Variants in ZNF521 observed in about 807,000 individuals in gnomAD.
ZNF521 encodes the protein zinc finger protein 521.
Under a neutral mutation model 105.5 loss-of-function variants are expected in ZNF521, and 14 were observed. The observed-to-expected ratio is 0.13, with a 90% CI of 0.09 to 0.21. The LOEUF (loss-of-function observed/expected upper bound fraction) is 0.21, where lower values mean the gene tolerates loss of function less well. Among genes scored for constraint, ZNF521 ranks in the 10% least tolerant of loss-of-function variants. The pLI is 1.00. For synonymous variants in ZNF521, 635 were observed against 606.0 expected, an observed-to-expected ratio of 1.05 and a Z score of -0.70; for missense variants, 1,233 against 1,629.7, an observed-to-expected ratio of 0.76 and a Z score of 4.19.
rs2089778922 is a variant in ZNF521 at position 25,227,570 on chromosome 18, A to T, written c.348T>A (p.Leu116=). 1 of 1,614,126 alleles carries T rather than the reference A, an allele frequency of 6.2e-7. No individual in the cohort carries two copies. The highest frequency in any genetic ancestry group is 2.2e-5 in the East Asian group (1 of 44,880). Residue 116 remains leucine (L), a synonymous_variant, in exon 4 of 8, where the codon CTT becomes CTA. Transcript: ENST00000361524. The surrounding 1 kb of genome is among the most constrained non-coding windows in gnomAD (Gnocchi z 5.7). ...TGTCACAGAATTGACACGGGTATGG[A>T]AGCCCAGGGCCACCTTCTTCCTCTC... is the stretch of plus-strand genomic sequence containing the variant. ...DFGEEEGGPG[L]PYPCQFCDKS... is the part of the protein sequence containing the mutation.
At chr18:25,335,382 A>T (rs1325749989) in intron 2 of ZNF521, among the ~76,000 whole-genome samples, 2 of 151,598 alleles carry the variant, frequency 1.3e-5, no homozygotes, top group African/African-American at 4.9e-5. Flanking sequence ...CCTGCTCTAA[A>T]CTCTCATGAT....
intron 5 of ZNF521, among the ~76,000 whole-genome samples, chr18:25,107,930 G>A (rs573164693): frequency 1.3e-5 from 2 of 152,354 alleles, no homozygotes; most frequent in South Asian, 4.1e-4. Context: ...AGATCCGCAA[G>A]GGTGAAAGCA....
intron 7 of ZNF521, 85 bp from the exon 8 acceptor site, chr18:25,062,826 T>A: frequency 7.9e-7 from 1 of 1,266,304 alleles, no homozygotes; most frequent in Non-Finnish European, 1.1e-6. Flanking sequence ...TTCATTTTCA[T>A]CAGACCAAGC....
chr18:25,317,855 C>A (rs1912725740), intron 3 of ZNF521, among the ~76,000 whole-genome samples: 1 of 152,088 alleles, frequency 6.6e-6, no homozygotes. Flanking sequence ...CGTACGACAA[C>A]CAGAATTCTC....
intron 5 of ZNF521, among the ~76,000 whole-genome samples, chr18:25,157,844 G>C (rs2035175973): frequency 6.6e-6 from 1 of 151,848 alleles, no homozygotes; most frequent in Admixed American, 6.6e-5. Context: ...TCTGTCTCCT[G>C]GGGTTCTAGT....
Position 25,293,351 on chromosome 18 carries a change from T to TACACACACACACAC in ZNF521, c.220+28643_220+28656dup, listed in dbSNP as rs55818021. ...ATTTTCTTGCTTGCACATGTACACATACACACACACACACACACACACACA... is the reference window on the plus strand; with the variant it reads ...ATTTTCTTGCTTGCACATGTACACATACACACACACACACACACACACACACACACACACACACA... On this transcript the variant is annotated intron_variant, in intron 3 of 7. Transcript: ENST00000361524. Among the ~76,000 whole-genome samples the TACACACACACACAC allele has an allele frequency of 7.0e-3, 998 of 143,204 alleles. 8 individuals carry two copies. Among genetic ancestry groups the TACACACACACACAC allele is most frequent in the African/African-American group, 0.023 (888 of 38,846 alleles). 93.9% of individuals were successfully genotyped at this position (143,204 alleles called of 152,430 possible). A position where few individuals can be genotyped will look rare whatever the true frequency, so the allele number is the denominator to read the frequency against.
rs138292423 is a variant in ZNF521, at chr18:25,213,249, G to C, written c.3573+11096C>G. Among the ~76,000 whole-genome samples the C allele has an allele frequency of 6.1e-4, 90 of 148,350 alleles. 1 individual carries two copies. In the East Asian group the frequency reaches 0.016, roughly 27 times the overall value. ...TATATAACTATATAATAAAATAATG[G>C]TTATATGTAACTATTATTTATAATG... is the stretch of plus-strand genomic sequence containing the variant. On this transcript the variant is annotated intron_variant, in intron 4 of 7. Transcript: ENST00000361524.
At chr18:25,223,410 G>A (rs906798816) in intron 4 of ZNF521, among the ~76,000 whole-genome samples, 3 of 152,208 alleles carry the variant, frequency 2.0e-5, no homozygotes, top group Non-Finnish European at 4.4e-5. Flanking sequence ...CCGCCAGGGT[G>A]TGAGTGCAGA....
chr18:25,352,091 C>T lies in ZNF521; in HGVS notation c.-88G>A. 2 of 486,280 alleles carry T rather than the reference C, an allele frequency of 4.1e-6. No individual in the cohort carries two copies. The highest frequency in any genetic ancestry group is 1.5e-5 in the South Asian group (1 of 67,346). 30.1% of individuals were successfully genotyped at this position (486,280 alleles called of 1,614,324 possible). On this transcript the variant is annotated 5_prime_UTR_variant, in exon 1 of 8. Transcript: ENST00000361524. ...AAGGCCCCCAAAGCCATCAGGATGGCTCCAGAGGGGGCCCCTAACCCGCAG... is the reference window on the plus strand; with the variant it reads ...AAGGCCCCCAAAGCCATCAGGATGGTTCCAGAGGGGGCCCCTAACCCGCAG...
chr18:25,174,794 C>T (rs1174617733), intron 5 of ZNF521, among the ~76,000 whole-genome samples: 1 of 152,204 alleles, frequency 6.6e-6, no homozygotes, highest in Non-Finnish European at 1.5e-5. Context: ...AATCCCCCAA[C>T]CTTTCTGAGC....
intron 3 of ZNF521, among the ~76,000 whole-genome samples, chr18:25,275,312 G>A (rs1029435310): frequency 6.6e-6 from 1 of 152,054 alleles, no homozygotes; most frequent in African/African-American, 2.4e-5. Flanking sequence ...AAAATAGGAA[G>A]GTAAAGCCAA....
At chr18:25,233,908 G>A (rs1262749642) in intron 3 of ZNF521, among the ~76,000 whole-genome samples, 3 of 152,098 alleles carry the variant, frequency 2.0e-5, no homozygotes, top group African/African-American at 4.8e-5. Flanking sequence ...TTGAACAGAC[G>A]GAGCTCAATG....
At chr18:25,156,515 C>T (rs1485941698) in intron 5 of ZNF521, among the ~76,000 whole-genome samples, 1 of 152,136 alleles carries the variant, frequency 6.6e-6, no homozygotes, top group Non-Finnish European at 1.5e-5. Flanking sequence ...TTTAAAAAGT[C>T]TAATGAGCAA....
chr18:25,130,525 C>A (rs2034621055), intron 5 of ZNF521, among the ~76,000 whole-genome samples: 2 of 152,058 alleles, frequency 1.3e-5, no homozygotes, highest in South Asian at 4.1e-4. Flanking sequence ...AGCAAATGTA[C>A]CATACCACTG....
chr18:25,343,593 G>C (rs1375569250), intron 2 of ZNF521, among the ~76,000 whole-genome samples: 1 of 152,142 alleles, frequency 6.6e-6, no homozygotes, highest in Non-Finnish European at 1.5e-5. Context: ...TCAATCACTT[G>C]ACCTTGCTCA....
chr18:25,188,333 C>T (rs1008692211), intron 5 of ZNF521, among the ~76,000 whole-genome samples: 3 of 152,188 alleles, frequency 2.0e-5, no homozygotes, highest in Non-Finnish European at 4.4e-5. Context: ...TCGACACCCA[C>T]TCTCCATATT....
chr18:25,117,559 G>A (rs1423075832), intron 5 of ZNF521, among the ~76,000 whole-genome samples: 3 of 151,940 alleles, frequency 2.0e-5, no homozygotes, highest in Non-Finnish European at 4.4e-5. Flanking sequence ...GAAAACATAG[G>A]AAATCACAAA....
At position 25,225,150 on chromosome 18, in the gene ZNF521, GCTTT is replaced by G. The variant is rs1349539168; in HGVS notation, c.2764_2767del (p.Lys922LeufsTer31). 1 of 1,614,126 alleles carries G rather than the reference GCTTT, an allele frequency of 6.2e-7. No homozygotes were observed. Among genetic ancestry groups the G allele is most frequent in the Non-Finnish European group, 8.5e-7 (1 of 1,180,018 alleles). On this transcript the variant is annotated frameshift_variant, in exon 4 of 8. Coordinates refer to ENST00000361524, the MANE Select transcript of ZNF521 (RefSeq NM_015461.3). LOFTEE classifies it high-confidence loss of function. The surrounding 1 kb of genome is among the most constrained non-coding windows in gnomAD (Gnocchi z 5.6). ...CTTGTAATTCCCTTTAATGAGCTCA[GCTTT>G]CTTTTTCACGATGGCACTTTCTCCA...
chr18:25,125,198 GA>G (rs2144366822), intron 5 of ZNF521, among the ~76,000 whole-genome samples: 1 of 152,128 alleles, frequency 6.6e-6, no homozygotes, highest in African/African-American at 2.4e-5. Flanking sequence ...TATTTTCAGT[GA>G]AATTTGAATC....
Sources: allele counts gnomAD v4.1 joint callset (sites outside exome capture counted in the v4.1 genomes callset), GRCh38; gene constraint gnomAD v4.1.1; non-coding constraint Gnocchi (gnomAD v3.1); transcripts MANE v1.5; gene names NCBI Gene and HGNC (gene_info 2026-07-23, HGNC 2026-07-21).